The following OR7E24 variants were observed in gnomAD, a reference collection of about 807,000 sequenced individuals.
OR7E24 encodes the protein olfactory receptor family 7 subfamily E member 24.
For missense variants in OR7E24, 385 were observed against 410.3 expected (o/e 0.94, Z 0.53); for synonymous variants, 130 against 157.5 (o/e 0.83, Z 1.31).
chr19:9,236,392 C>A, the OR7E24 span, among the ~76,000 whole-genome samples: 3 of 151,990 alleles, frequency 2.0e-5, no homozygotes, highest in African/African-American at 7.2e-5. Flanking sequence ...CGCCTGTAGT[C>A]CCAGCTGCTT....
At chr19:9,212,595 G>A in the OR7E24 span, 2 of 152,240 alleles carry the variant, frequency 1.3e-5, no homozygotes, top group Admixed American at 6.5e-5. Context: ...CAGATTCCAC[G>A]GCTCTGATTT....
At chr19:9,243,300 T>A (rs1285841443), upstream of OR7E24, among the ~76,000 whole-genome samples, 3 of 151,396 alleles carry the variant, frequency 2.0e-5, no homozygotes, top group Non-Finnish European at 4.4e-5. Flanking sequence ...CAATGCATGG[T>A]GGCAGAAAGG....
Position 9,251,329 on chromosome 19 carries a change from G to T in OR7E24, c.286G>T (p.Val96Phe). 1.2e-6 allele frequency: 2 copies of T among 1,613,904 alleles called. No individual in the cohort carries two copies. The highest frequency in any genetic ancestry group is 1.3e-5 in the African/African-American group (1 of 74,954). ...TGACATCGGTTTCACCTCCACCACG[G>T]TCCCCAAGATGATTGTGGACATGCA... ...LADIGFTSTT[V>F]PKMIVDMQTH... The change falls in exon 1 of 1, where the codon GTC becomes TTC. Residue 96 changes from valine (V) to phenylalanine (F), a missense_variant. Coordinates refer to ENST00000456448, the MANE Select transcript of OR7E24 (RefSeq NM_001079935.2).
the OR7E24 span, among the ~76,000 whole-genome samples, chr19:9,233,375 G>A: frequency 6.6e-6 from 1 of 152,090 alleles, no homozygotes; most frequent in Non-Finnish European, 1.5e-5. Context: ...CCAAATCCAT[G>A]AATTATATAT....
the OR7E24 span, chr19:9,206,901 G>A: frequency 6.6e-6 from 1 of 152,154 alleles, no homozygotes; most frequent in Non-Finnish European, 1.5e-5. Context: ...TACAAATGAT[G>A]ATGGCTGGGC....
the OR7E24 span, among the ~76,000 whole-genome samples, chr19:9,237,921 C>T: frequency 2.0e-5 from 3 of 152,084 alleles, no homozygotes; most frequent in Non-Finnish European, 4.4e-5. Context: ...GCACATTGAA[C>T]ATTTCCAGCA....
upstream of OR7E24, among the ~76,000 whole-genome samples, chr19:9,249,963 TA>T (rs773816015): frequency 8.3e-3 from 1,237 of 148,962 alleles, 54 homozygotes; most frequent in Admixed American, 0.074. Flanking sequence ...ACTCAGGTCT[TA>T]AAAAAAAAAA....
the OR7E24 span, among the ~76,000 whole-genome samples, chr19:9,216,539 C>G: frequency 6.6e-6 from 1 of 152,020 alleles, no homozygotes; most frequent in African/African-American, 2.4e-5. Context: ...TGTCATTTGT[C>G]TACTATGATT....
upstream of OR7E24, among the ~76,000 whole-genome samples, chr19:9,244,668 C>T (rs1487200725): frequency 2.0e-5 from 3 of 152,158 alleles, no homozygotes; most frequent in Admixed American, 1.3e-4. Context: ...CTTCATGACA[C>T]TGGATTTCTT....
At chr19:9,228,653 A>T in the OR7E24 span, among the ~76,000 whole-genome samples, 4 of 152,238 alleles carry the variant, frequency 2.6e-5, no homozygotes, top group Non-Finnish European at 2.9e-5. Flanking sequence ...ACTATTGTTC[A>T]GTCCTCATTT....
At chr19:9,207,483 C>G in the OR7E24 span, 1 of 151,976 alleles carries the variant, frequency 6.6e-6, no homozygotes, top group African/African-American at 2.4e-5. Flanking sequence ...TGTGAAGGTA[C>G]AAGGTAGAAT....
At chr19:9,219,811 G>A in the OR7E24 span, among the ~76,000 whole-genome samples, 81 of 152,280 alleles carry the variant, frequency 5.3e-4, no homozygotes, top group Non-Finnish European at 1.0e-4. Flanking sequence ...TGATGAAATA[G>A]GCAGTGGTAG....
chr19:9,240,761 G>GT, the OR7E24 span, among the ~76,000 whole-genome samples: 1 of 151,784 alleles, frequency 6.6e-6, no homozygotes, highest in Non-Finnish European at 1.5e-5. Context: ...ATTCCTGTAT[G>GT]TTTTTTTCTA....
At chr19:9,227,999 C>T in the OR7E24 span, among the ~76,000 whole-genome samples, 3 of 151,782 alleles carry the variant, frequency 2.0e-5, no homozygotes, top group South Asian at 2.1e-4. Context: ...GTGATCCGCC[C>T]GCCTCGGCCT....
At chr19:9,212,795 C>T in the OR7E24 span, 1 of 152,326 alleles carries the variant, frequency 6.6e-6, no homozygotes, top group South Asian at 2.1e-4. Context: ...CTCTGTCACC[C>T]AGGCTGGATT....
chr19:9,220,184 G>T, the OR7E24 span, among the ~76,000 whole-genome samples: 1 of 151,866 alleles, frequency 6.6e-6, no homozygotes, highest in Non-Finnish European at 1.5e-5. Context: ...TCGTTATCCT[G>T]GTGAGAACAC....
the OR7E24 span, chr19:9,214,670 G>A: frequency 2.5e-6 from 4 of 1,614,186 alleles, no homozygotes; most frequent in Non-Finnish European, 2.5e-6. Context: ...ACATGGGGGT[G>A]TGGAGGTGGG....
At chr19:9,231,219 G>A in the OR7E24 span, among the ~76,000 whole-genome samples, 3 of 151,366 alleles carry the variant, frequency 2.0e-5, no homozygotes, top group African/African-American at 7.3e-5. Context: ...CACCACTCCC[G>A]GCCTGAGAAA....
chr19:9,251,239 G>A lies in OR7E24; in HGVS notation c.196G>A (p.Ala66Thr), dbSNP rs757141110. 2.5e-5 allele frequency: 40 copies of A among 1,613,830 alleles called. No individual in the cohort carries two copies. In the South Asian group the frequency reaches 3.5e-4, roughly 14 times the overall value. The change falls in exon 1 of 1, where the codon GCT becomes ACT. Residue 66 changes from alanine to threonine, a missense_variant. Physicochemically the swap from Ala to Thr is moderately conservative, Grantham distance 58. Coordinates refer to ENST00000456448, the MANE Select transcript of OR7E24 (RefSeq NM_001079935.2). ...TVLGNLLIIL[A>T]VSSDSHLHTP... is the part of the protein sequence containing the mutation. The stretch of plus-strand genomic sequence containing the variant: ...GCTGGGGAACCTGCTCATCATCCTG[G>A]CTGTCAGCTCTGACTCCCACCTCCA...
Sources: gnomAD v4.1 joint callset for allele counts (sites outside exome capture counted in the v4.1 genomes callset) on GRCh38, gnomAD v4.1.1 for gene constraint, MANE v1.5 for transcripts, NCBI Gene and HGNC (gene_info 2026-07-23, HGNC 2026-07-21) for gene names.